Variants in TMEM117 observed in about 807,000 individuals in gnomAD.
TMEM117 encodes the protein transmembrane protein 117.
A neutral mutation model predicts 52.4 loss-of-function variants in TMEM117; 27 were observed. The ratio of observed to expected loss-of-function variants is 0.51; its 90% CI spans 0.38 to 0.71. TMEM117 has a LOEUF of 0.71. Ranked by LOEUF, TMEM117 falls within the 30% of genes least tolerant of loss-of-function variation. The pLI is 0.00. For synonymous variants in TMEM117, 215 were observed against 206.3 expected, an observed-to-expected ratio of 1.04 and a Z score of -0.36; for missense variants, 556 against 630.5, an observed-to-expected ratio of 0.88 and a Z score of 1.26.
chr12:44,230,545 A>G (rs1949918864), intron 5 of TMEM117, among the ~76,000 whole-genome samples: 1 of 152,036 alleles, frequency 6.6e-6, no homozygotes, highest in Admixed American at 6.6e-5. Flanking sequence ...GAACATCAAC[A>G]GCCAACTTAC....
At chr12:44,381,963 A>G (rs1387789697) in intron 7 of TMEM117, among the ~76,000 whole-genome samples, 5 of 152,172 alleles carry the variant, frequency 3.3e-5, no homozygotes, top group Non-Finnish European at 7.4e-5. Flanking sequence ...ATACAAAGAA[A>G]GTCCCCGAAG....
chr12:44,286,039 T>G (rs908912261), intron 5 of TMEM117, among the ~76,000 whole-genome samples: 3 of 152,322 alleles, frequency 2.0e-5, no homozygotes, highest in East Asian at 3.9e-4. Context: ...AATTTAAGTT[T>G]GCTATCCCAC....
chr12:44,008,817 C>T, intron 3 of TMEM117: 1 of 439,966 alleles, frequency 2.3e-6, no homozygotes, highest in Non-Finnish European at 4.5e-6. Context: ...AAGGACTTCT[C>T]TCCCATATGA....
chr12:44,350,753 T>C (rs538706542), intron 6 of TMEM117, among the ~76,000 whole-genome samples: 83 of 152,172 alleles, frequency 5.5e-4, no homozygotes, highest in South Asian at 1.4e-3. Flanking sequence ...ATTTTCTTCA[T>C]CCATTCATCT....
At chr12:43,870,602 G>T (rs1943686942) in intron 2 of TMEM117, among the ~76,000 whole-genome samples, 1 of 151,948 alleles carries the variant, frequency 6.6e-6, no homozygotes, top group Non-Finnish European at 1.5e-5. Flanking sequence ...ATTCTTTTGG[G>T]TATATACCCA....
chr12:44,334,481 A>G (rs187727452), intron 6 of TMEM117, among the ~76,000 whole-genome samples: 7 of 152,170 alleles, frequency 4.6e-5, no homozygotes, highest in Admixed American at 2.0e-4. Flanking sequence ...TCTGGGCCTC[A>G]GGTGAACCCT....
chr12:44,169,975 C>A (rs1478857137), intron 4 of TMEM117, among the ~76,000 whole-genome samples: 1 of 152,082 alleles, frequency 6.6e-6, no homozygotes, highest in Non-Finnish European at 1.5e-5. Flanking sequence ...AATCATGCTG[C>A]TATAAAGACA....
intron 2 of TMEM117, among the ~76,000 whole-genome samples, chr12:43,849,499 A>C (rs1160417718): frequency 6.6e-6 from 1 of 152,224 alleles, no homozygotes; most frequent in Non-Finnish European, 1.5e-5. Flanking sequence ...TACTAAAATC[A>C]CATTTCAGTT....
chr12:43,801,741 C>T, the TMEM117 span, among the ~76,000 whole-genome samples: 11 of 152,034 alleles, frequency 7.2e-5, no homozygotes, highest in African/African-American at 2.4e-5. Context: ...AAAATTACCA[C>T]AAATTAGGTT....
At chr12:43,843,895 G>A (rs1458916994) in intron 1 of TMEM117, among the ~76,000 whole-genome samples, 1 of 152,218 alleles carries the variant, frequency 6.6e-6, no homozygotes, top group Non-Finnish European at 1.5e-5. Context: ...ATTTGTCAAT[G>A]TTTAGAAGAA....
intron 3 of TMEM117, among the ~76,000 whole-genome samples, chr12:44,048,471 A>G (rs1028397244): frequency 6.6e-5 from 10 of 152,074 alleles, no homozygotes; most frequent in Admixed American, 5.9e-4. Context: ...CTTCCATTCC[A>G]TTATATTAAA....
chr12:43,901,307 G>T (rs1247347978), intron 2 of TMEM117, among the ~76,000 whole-genome samples: 1 of 151,388 alleles, frequency 6.6e-6, no homozygotes, highest in Non-Finnish European at 1.5e-5. Flanking sequence ...TTGTTTGTTT[G>T]TTTTTGGTTT....
At chr12:44,189,800 A>T (rs1592593145) in intron 4 of TMEM117, among the ~76,000 whole-genome samples, 1 of 152,254 alleles carries the variant, frequency 6.6e-6, no homozygotes, top group Admixed American at 6.5e-5. Context: ...AGTAGTGATT[A>T]TAGAAAAAAA....
At chr12:43,944,474 A>T (rs1253156241) in intron 3 of TMEM117, 132 bp downstream of exon 3, 1 of 869,416 alleles carries the variant, frequency 1.2e-6, no homozygotes, top group East Asian at 2.7e-5. Flanking sequence ...GGAGTATTTT[A>T]TGTATTTTTC....
At chr12:44,095,088 A>G (rs986608845) in intron 3 of TMEM117, among the ~76,000 whole-genome samples, 1 of 152,080 alleles carries the variant, frequency 6.6e-6, no homozygotes, top group Non-Finnish European at 1.5e-5. Flanking sequence ...GCATGATACC[A>G]CTACAACTTG....
At chr12:43,851,834 G>A (rs1249441023) in intron 2 of TMEM117, among the ~76,000 whole-genome samples, 1 of 152,182 alleles carries the variant, frequency 6.6e-6, no homozygotes, top group East Asian at 1.9e-4. Context: ...AAGTTCAACA[G>A]AGGTCTTTTT....
intron 3 of TMEM117, among the ~76,000 whole-genome samples, chr12:44,115,844 C>G (rs1246922555): frequency 6.6e-6 from 1 of 152,194 alleles, no homozygotes; most frequent in East Asian, 1.9e-4. Context: ...CTTTACAAAG[C>G]TAGCCCTCAT....
At chr12:44,200,114 A>G (rs540462538) in intron 4 of TMEM117, among the ~76,000 whole-genome samples, 2 of 152,286 alleles carry the variant, frequency 1.3e-5, no homozygotes, top group South Asian at 2.1e-4. Flanking sequence ...GCGAGACTCC[A>G]TCTCAAAAAA....
intron 3 of TMEM117, among the ~76,000 whole-genome samples, chr12:43,984,346 C>T (rs553274728): frequency 1.3e-4 from 20 of 149,384 alleles, no homozygotes; most frequent in African/African-American, 4.7e-4. Context: ...CCAGCCTGGG[C>T]GACAGAGTGA....
Sources: allele counts gnomAD v4.1 joint callset (sites outside exome capture counted in the v4.1 genomes callset), GRCh38; gene constraint gnomAD v4.1.1; transcripts MANE v1.5; gene names NCBI Gene and HGNC (gene_info 2026-07-23, HGNC 2026-07-21).